The following CFAP52 variants were observed in gnomAD, a reference collection of about 807,000 sequenced individuals.
The protein encoded by CFAP52 is cilia- and flagella-associated protein 52.
A neutral mutation model predicts 70.5 loss-of-function variants in CFAP52; 57 were observed. That is an observed-to-expected ratio of 0.81 (90% confidence interval 0.65 to 1.01). The LOEUF is 1.01. Ranked by LOEUF, CFAP52 falls within the 50% of genes least tolerant of loss-of-function variation. The pLI, the probability that CFAP52 is intolerant of heterozygous loss-of-function variation, is 0.00. For missense variants in CFAP52, 785 were observed against 788.5 expected, an observed-to-expected ratio of 1.00 and a Z score of 0.05; for synonymous variants, 267 against 292.5, an observed-to-expected ratio of 0.91 and a Z score of 0.89.
At chr17:9,596,954 G>A (rs535727501) in intron 4 of CFAP52, among the ~76,000 whole-genome samples, 1 of 152,052 alleles carries the variant, frequency 6.6e-6, no homozygotes, top group Non-Finnish European at 1.5e-5. Context: ...CTGACCTCAG[G>A]TGATCCACCC....
At position 9,633,545 on chromosome 17, in the gene CFAP52, G is replaced by A. The variant is rs1045836981; in HGVS notation, c.1320+512G>A. Among the ~76,000 whole-genome samples the A allele has an allele frequency of 1.1e-4, 17 of 152,194 alleles. 1 individual carries two copies. The highest frequency in any genetic ancestry group is 2.6e-4 in the African/African-American group (11 of 41,540). ...AAGTACATTTGTACACAGAAAGGAC[G>A]TTTACAATACAGACATGAAAGTGTT... On this transcript the variant is annotated intron_variant, in intron 10 of 13. Coordinates refer to ENST00000352665, the MANE Select transcript of CFAP52 (RefSeq NM_145054.5).
intron 8 of CFAP52, among the ~76,000 whole-genome samples, chr17:9,627,893 A>G (rs1434618170): frequency 6.6e-6 from 1 of 151,728 alleles, no homozygotes; most frequent in African/African-American, 2.4e-5. Flanking sequence ...GCTAATTTTT[A>G]TATATTTTTA....
intron 4 of CFAP52, among the ~76,000 whole-genome samples, chr17:9,597,258 A>T (rs1037890792): frequency 2.6e-5 from 4 of 152,172 alleles, no homozygotes; most frequent in Non-Finnish European, 5.9e-5. Flanking sequence ...TTGCGTACAT[A>T]TACCACATTT....
chr17:9,628,212 A>C (rs1225555099), intron 8 of CFAP52, among the ~76,000 whole-genome samples: 1 of 152,186 alleles, frequency 6.6e-6, no homozygotes, highest in Admixed American at 6.5e-5. Flanking sequence ...CCGTTTACAC[A>C]AGATGTTTCA....
At position 9,626,291 on chromosome 17, in the gene CFAP52, A is replaced by G. The variant is rs192219406; in HGVS notation, c.1026-2381A>G. On this transcript the variant is annotated intron_variant, in intron 8 of 13. Transcript: ENST00000352665. The stretch of plus-strand genomic sequence containing the variant: ...GTTGCCCAGGCTGGAGTGTAATGGC[A>G]TGATCTCAGCTCACTGCAACCTCCG... Among the ~76,000 whole-genome samples, 45 of 152,318 alleles carry G rather than the reference A, an allele frequency of 3.0e-4. 1 individual carries two copies. Among genetic ancestry groups the G allele is most frequent in the African/African-American group, 1.1e-3 (44 of 41,580 alleles).
Position 9,632,879 on chromosome 17 carries a change from T to C in CFAP52, c.1175-9T>C, listed in dbSNP as rs1438645656. ...ATCCTGCCTGCCTTTTGTTTCCCTT[T>C]CATGCCAGCATGGAACGACGGTAAA... On this transcript the variant is annotated splice_polypyrimidine_tract_variant and intron_variant, in intron 9 of 13. Transcript: ENST00000352665. 2 of 1,613,590 alleles carry C rather than the reference T, an allele frequency of 1.2e-6. No homozygotes were observed. The highest frequency in any genetic ancestry group is 2.7e-5 in the African/African-American group (2 of 74,936).
At chr17:9,609,250 T>G (rs369608384) in intron 7 of CFAP52, among the ~76,000 whole-genome samples, 1 of 148,654 alleles carries the variant, frequency 6.7e-6, no homozygotes, top group Non-Finnish European at 1.5e-5. Flanking sequence ...AAAAAAAAAA[T>G]CCCTGTCCTC....
downstream of CFAP52, chr17:9,643,461 T>C (rs1021213397): frequency 6.7e-5 from 21 of 313,628 alleles, no homozygotes; most frequent in African/African-American, 3.9e-4. Flanking sequence ...CTGTTATAAT[T>C]TGTTTTCTGC....
intron 9 of CFAP52, among the ~76,000 whole-genome samples, chr17:9,632,050 G>T (rs1441898390): frequency 6.6e-6 from 1 of 150,728 alleles, no homozygotes; most frequent in Non-Finnish European, 1.5e-5. Context: ...TGGGATTACA[G>T]GTATGAGCCA....
intron 9 of CFAP52, among the ~76,000 whole-genome samples, chr17:9,632,237 G>A (rs905637165): frequency 5.3e-5 from 8 of 150,666 alleles, no homozygotes; most frequent in Admixed American, 4.6e-4. Context: ...GCCACCATGC[G>A]AGGCAAGTTT....
At chr17:9,642,223 A>C (rs777903786) in intron 13 of CFAP52, among the ~76,000 whole-genome samples, 27 of 152,232 alleles carry the variant, frequency 1.8e-4, no homozygotes, top group Non-Finnish European at 2.4e-4. Flanking sequence ...CCTTCCCACC[A>C]AAACAAATGA....
chr17:9,593,087 T>G (rs1018546964), intron 3 of CFAP52, among the ~76,000 whole-genome samples: 1 of 152,198 alleles, frequency 6.6e-6, no homozygotes, highest in East Asian at 1.9e-4. Flanking sequence ...TGATAATACA[T>G]TCCATATGTA....
chr17:9,598,448 C>T (rs886480937), intron 5 of CFAP52, 115 bp downstream of exon 5: 3 of 763,402 alleles, frequency 3.9e-6, no homozygotes, highest in Non-Finnish European at 4.1e-6. Context: ...GGGGTATAGA[C>T]ATAGGGGATG....
intron 1 of CFAP52, among the ~76,000 whole-genome samples, chr17:9,582,827 G>A (rs1179247381): frequency 6.6e-6 from 1 of 152,188 alleles, no homozygotes; most frequent in Non-Finnish European, 1.5e-5. Flanking sequence ...AGTAGAGACA[G>A]GGTTTCGCCA....
At chr17:9,603,713 T>G (rs1203782900) in intron 6 of CFAP52, among the ~76,000 whole-genome samples, 1 of 152,230 alleles carries the variant, frequency 6.6e-6, no homozygotes, top group Non-Finnish European at 1.5e-5. Flanking sequence ...CTAATGTAGA[T>G]GACGGGTAAT....
chr17:9,630,677 G>A lies in CFAP52; in HGVS notation c.1174+1857G>A, dbSNP rs1285338808. Among the ~76,000 whole-genome samples the A allele has an allele frequency of 2.6e-5, 4 of 150,978 alleles. No individual in the cohort carries two copies. The East Asian group carries it at 6.2e-4, about 24-fold the overall frequency. On this transcript the variant is annotated intron_variant, in intron 9 of 13. Transcript: ENST00000352665. ...GATCTCCTGACCTCGTGATCCGCCCGCCTCGGTCTCCCAAAGTGCTGGGAT... is the reference window on the plus strand; with the variant it reads ...GATCTCCTGACCTCGTGATCCGCCCACCTCGGTCTCCCAAAGTGCTGGGAT...
At chr17:9,615,766 G>A (rs1388401948) in intron 8 of CFAP52, among the ~76,000 whole-genome samples, 2 of 141,878 alleles carry the variant, frequency 1.4e-5, no homozygotes, top group South Asian at 2.3e-4. Flanking sequence ...GTACCACCAT[G>A]CCCAGCTAAT....
chr17:9,587,378 T>G (rs761560030), intron 3 of CFAP52, among the ~76,000 whole-genome samples: 4 of 152,232 alleles, frequency 2.6e-5, no homozygotes, highest in Non-Finnish European at 4.4e-5. Context: ...CCTTTGAGTA[T>G]GTAGCCAGTA....
chr17:9,600,702 C>A (rs1939848294), intron 6 of CFAP52, among the ~76,000 whole-genome samples: 1 of 152,106 alleles, frequency 6.6e-6, no homozygotes, highest in African/African-American at 2.4e-5. Flanking sequence ...GTAGCTGGGA[C>A]TACAGGCGCC....
Sources: gnomAD v4.1 joint callset for allele counts (sites outside exome capture counted in the v4.1 genomes callset) on GRCh38, gnomAD v4.1.1 for gene constraint, MANE v1.5 for transcripts, NCBI Gene and HGNC (gene_info 2026-07-23, HGNC 2026-07-21) for gene names.